Variants in PCDH15 observed in about 807,000 individuals in gnomAD.
PCDH15 encodes the protein protocadherin related 15.
A neutral mutation model predicts 178.5 loss-of-function variants in PCDH15; 129 were observed. The ratio of observed to expected loss-of-function variants is 0.72; its 90% CI spans 0.63 to 0.84. The LOEUF is 0.84. Ranked by LOEUF, PCDH15 falls within the 40% of genes least tolerant of loss-of-function variation. The pLI, the probability that PCDH15 is intolerant of heterozygous loss-of-function variation, is 0.00. For missense variants in PCDH15, 2,230 were observed against 2,099.9 expected (o/e 1.06, Z -1.21); for synonymous variants, 800 against 732.0 (o/e 1.09, Z -1.50).
At chr10:54,940,520 G>T (rs935340994) in intron 2 of PCDH15, among the ~76,000 whole-genome samples, 1 of 152,108 alleles carries the variant, frequency 6.6e-6, no homozygotes, top group Non-Finnish European at 1.5e-5. Context: ...AGGTTATTCT[G>T]TAGGTCTCTC....
chr10:55,309,837 T>G (rs1260094246), intron 1 of PCDH15, among the ~76,000 whole-genome samples: 1 of 152,124 alleles, frequency 6.6e-6, no homozygotes, highest in Non-Finnish European at 1.5e-5. Flanking sequence ...TTTAATGTCT[T>G]CCCTTACTTG....
intron 1 of PCDH15, among the ~76,000 whole-genome samples, chr10:54,794,450 T>G (rs1951760680): frequency 6.6e-6 from 1 of 151,868 alleles, no homozygotes; most frequent in Admixed American, 6.6e-5. Context: ...AATTTTTCAA[T>G]AAACCTTATA....
chr10:54,662,110 A>G (rs1454859872), intron 2 of PCDH15, among the ~76,000 whole-genome samples: 1 of 152,022 alleles, frequency 6.6e-6, no homozygotes, highest in African/African-American at 2.4e-5. Flanking sequence ...ATTAGAATAA[A>G]CAGACAACCT....
At position 54,183,564 on chromosome 10, in the gene PCDH15, A is replaced by G. The variant is rs754403330; in HGVS notation, c.1470T>C (p.Ser490=). The change falls in exon 13 of 38, where the codon AGT becomes AGC. Residue 490 remains serine, a synonymous_variant. Coordinates refer to ENST00000644397, the MANE Select transcript of PCDH15 (RefSeq NM_001384140.1). ...CTTGAATATTGACGATGACTGGCTC[A>G]CTTTCTTGTACACCATCAAATGCTG... ...SITAFDGVQE[S]EPVIVNIQVM... is the part of the protein sequence containing the mutation. 3 of 1,614,006 alleles carry G rather than the reference A, an allele frequency of 1.9e-6. No individual in the cohort carries two copies. Among genetic ancestry groups the G allele is most frequent in the Non-Finnish European group, 2.5e-6 (3 of 1,179,986 alleles).
At chr10:53,828,496 T>C (rs1001251993) in intron 31 of PCDH15, 69 bp downstream of exon 31, 7 of 1,313,158 alleles carry the variant, frequency 5.3e-6, no homozygotes, top group Middle Eastern at 1.8e-4. Flanking sequence ...GCTGACTTGA[T>C]TGATATAATC....
intron 8 of PCDH15, among the ~76,000 whole-genome samples, chr10:54,246,761 G>C (rs897675766): frequency 6.6e-6 from 1 of 151,860 alleles, no homozygotes; most frequent in African/African-American, 2.4e-5. Context: ...TTCTAACGTG[G>C]TTGTATGGTT....
At chr10:54,232,924 C>CTTTTTTTTTTTTT (rs762364718) in intron 9 of PCDH15, among the ~76,000 whole-genome samples, 15 of 109,192 alleles carry the variant, frequency 1.4e-4, no homozygotes, top group African/African-American at 5.2e-4. Context: ...AGCTTTCTTT[C>CTTTTTTTTTTTTT]TTTTTTTTTT....
chr10:54,852,910 T>C (rs1953650301), intron 3 of PCDH15, among the ~76,000 whole-genome samples: 1 of 148,536 alleles, frequency 6.7e-6, no homozygotes, highest in South Asian at 2.2e-4. Flanking sequence ...GTTTATTTTA[T>C]TTTAGTTAAT....
At chr10:55,415,759 T>C (rs921980859) in intron 2 of PCDH15, among the ~76,000 whole-genome samples, 3 of 151,644 alleles carry the variant, frequency 2.0e-5, no homozygotes, top group African/African-American at 7.3e-5. Context: ...CTAAAGGAAA[T>C]AGAAATGACT....
intron 1 of PCDH15, among the ~76,000 whole-genome samples, chr10:54,746,906 C>T (rs959898863): frequency 6.6e-6 from 1 of 152,206 alleles, no homozygotes; most frequent in Admixed American, 6.5e-5. Flanking sequence ...TGGTCCCCAA[C>T]TTACAATTTT....
At chr10:54,666,653 C>A (rs2094576403) in intron 1 of PCDH15, among the ~76,000 whole-genome samples, 1 of 151,436 alleles carries the variant, frequency 6.6e-6, no homozygotes. Context: ...TAAAGAGAAA[C>A]CATATACAAA....
chr10:54,588,397 A>G (rs1478318926), intron 2 of PCDH15, among the ~76,000 whole-genome samples: 2 of 152,196 alleles, frequency 1.3e-5, no homozygotes, highest in Non-Finnish European at 2.9e-5. Flanking sequence ...TTTCACTTAC[A>G]TGATTAAAGA....
At chr10:54,721,023 A>T (rs1192062695) in intron 1 of PCDH15, among the ~76,000 whole-genome samples, 2 of 152,072 alleles carry the variant, frequency 1.3e-5, no homozygotes, top group Admixed American at 1.3e-4. Flanking sequence ...TTAACAATAA[A>T]TCATATCAAG....
intron 2 of PCDH15, among the ~76,000 whole-genome samples, chr10:54,558,534 C>A (rs540958661): frequency 6.6e-6 from 1 of 152,048 alleles, no homozygotes; most frequent in Non-Finnish European, 1.5e-5. Flanking sequence ...TCCCCACACA[C>A]GTTAAGTACC....
intron 20 of PCDH15, among the ~76,000 whole-genome samples, chr10:54,007,568 T>A (rs4935485): frequency 0.56 from 85,696 of 151,904 alleles, 25,423 homozygotes; most frequent in South Asian, 0.7. Flanking sequence ...TGTTATTTGT[T>A]TGATCATCAC....
intron 2 of PCDH15, among the ~76,000 whole-genome samples, chr10:54,614,606 T>C (rs902671056): frequency 6.6e-6 from 1 of 152,036 alleles, no homozygotes; most frequent in African/African-American, 2.4e-5. Context: ...TTATTAAATG[T>C]TTAAACATAA....
At chr10:53,815,258 G>T (rs981004656) in intron 35 of PCDH15, among the ~76,000 whole-genome samples, 1 of 152,052 alleles carries the variant, frequency 6.6e-6, no homozygotes, top group Non-Finnish European at 1.5e-5. Context: ...TTATACTGAT[G>T]CAAAACAAAA....
chr10:54,381,175 T>C (rs925237550), intron 3 of PCDH15, among the ~76,000 whole-genome samples: 1 of 151,946 alleles, frequency 6.6e-6, no homozygotes, highest in South Asian at 2.1e-4. Flanking sequence ...AGGAGCAATA[T>C]ACATATTTTT....
At chr10:54,083,210 A>C (rs549537271) in intron 16 of PCDH15, among the ~76,000 whole-genome samples, 1 of 152,338 alleles carries the variant, frequency 6.6e-6, no homozygotes, top group Middle Eastern at 3.4e-3. Context: ...ATCACTGTGG[A>C]AAATATTTGA....
Sources: allele counts gnomAD v4.1 joint callset (sites outside exome capture counted in the v4.1 genomes callset), GRCh38; gene constraint gnomAD v4.1.1; transcripts MANE v1.5; gene names NCBI Gene and HGNC (gene_info 2026-07-23, HGNC 2026-07-21).